The following KAT8 variants were observed in gnomAD, a reference collection of about 807,000 sequenced individuals.
KAT8 encodes lysine acetyltransferase 8, also known as histone acetyltransferase KAT8.
KAT8 carries 40 observed loss-of-function variants against 62.9 expected under a neutral mutation model. That is an observed-to-expected ratio of 0.64 (90% CI 0.49 to 0.83). KAT8 has a LOEUF of 0.83. KAT8 is among the 40% of genes least tolerant of loss of function. The pLI, the probability that KAT8 is intolerant of heterozygous loss-of-function variation, is 0.00. For missense variants in KAT8, 387 were observed against 614.8 expected, an observed-to-expected ratio of 0.63 and a Z score of 3.92; for synonymous variants, 278 against 254.5, an observed-to-expected ratio of 1.09 and a Z score of -0.88.
chr16:31,121,915 C>A (rs1297985150), intron 3 of KAT8, among the ~76,000 whole-genome samples: 1 of 152,056 alleles, frequency 6.6e-6, no homozygotes. Flanking sequence ...CCATGCCCAG[C>A]TAATTTTTTA....
chr16:31,119,935 C>T (rs2057480781), intron 1 of KAT8, among the ~76,000 whole-genome samples: 1 of 152,040 alleles, frequency 6.6e-6, no homozygotes, highest in African/African-American at 2.4e-5. Context: ...CCCATCTCGG[C>T]CTCCAGAAGT....
At chr16:31,129,955 G>A in intron 6 of KAT8, 62 bp from the exon 7 acceptor site, 4 of 1,586,066 alleles carry the variant, frequency 2.5e-6, no homozygotes, top group Non-Finnish European at 3.4e-6. Context: ...CCGGCCGCTG[G>A]AACCAGCTGG....
Position 31,117,693 on chromosome 16 carries a change from G to A in KAT8, c.12G>A (p.Gln4=), listed in dbSNP as rs183282395. 596 of 1,397,796 alleles carry A rather than the reference G, an allele frequency of 4.3e-4. 1 individual carries two copies. The African/African-American group carries it at 8.1e-3, about 19-fold the overall frequency. 86.6% of individuals were successfully genotyped at this position (1,397,796 alleles called of 1,614,324 possible). Residue 4 remains glutamine, a synonymous_variant, in exon 1 of 11, where the codon CAG becomes CAA. Coordinates refer to ENST00000219797, the MANE Select transcript of KAT8 (RefSeq NM_032188.3). The stretch of plus-strand genomic sequence containing the variant: ...CTTCCCTTCCCGCGATGGCGGCACA[G>A]GGAGCTGCTGCGGCGGTTGCGGCGG... The part of the protein sequence containing the change: MAA[Q]GAAAAVAAGT...
At chr16:31,127,479 G>C (rs1165912606) in intron 5 of KAT8, 126 bp downstream of exon 5, 5 of 964,362 alleles carry the variant, frequency 5.2e-6, no homozygotes, top group Non-Finnish European at 7.7e-6. Context: ...GCGAGTACAG[G>C]GAAGAGCTGC....
At chr16:31,122,420 T>C (rs1018561288) in intron 3 of KAT8, 1 of 152,126 alleles carries the variant, frequency 6.6e-6, no homozygotes, top group African/African-American at 2.4e-5. Context: ...TGTGGTGTGA[T>C]TTAAAAAATT....
intron 3 of KAT8, among the ~76,000 whole-genome samples, chr16:31,121,814 C>T (rs986741828): frequency 1.3e-5 from 2 of 151,814 alleles, no homozygotes; most frequent in Non-Finnish European, 2.9e-5. Flanking sequence ...TGCAGTGGCA[C>T]AATCATGGCT....
At chr16:31,118,662 T>C (rs1410526293) in intron 1 of KAT8, 1 of 152,112 alleles carries the variant, frequency 6.6e-6, no homozygotes, top group African/African-American at 2.4e-5. Context: ...TAATTTTCTC[T>C]CTCTGTCTTC....
Position 31,117,664 on chromosome 16 carries a change from G to C in KAT8, c.-18G>C. 2 of 1,382,724 alleles carry C rather than the reference G, an allele frequency of 1.4e-6. No individual in the cohort carries two copies. The highest frequency in any genetic ancestry group is 7.3e-5 in the Admixed American group (2 of 27,354). 85.7% of individuals were successfully genotyped at this position (1,382,724 alleles called of 1,614,324 possible). On this transcript the variant is annotated 5_prime_UTR_variant, in exon 1 of 11. Transcript: ENST00000219797. ...GAACTGCGTGGCGTCCGATTCTGGC[G>C]TCACTTCCCTTCCCGCGATGGCGGC...
chr16:31,118,342 C>T (rs2057466581), intron 1 of KAT8: 1 of 155,352 alleles, frequency 6.4e-6, no homozygotes, highest in Admixed American at 6.5e-5. Flanking sequence ...TAACCCCAAA[C>T]TCCTTAGGGT....
intron 6 of KAT8, 62 bp downstream of exon 6, chr16:31,128,201 C>T: frequency 1.6e-6 from 2 of 1,271,844 alleles, no homozygotes; most frequent in South Asian, 2.5e-5. Context: ...CCAGATGATC[C>T]TCATCACCAC....
chr16:31,129,432 T>A (rs2057555824), intron 6 of KAT8, among the ~76,000 whole-genome samples: 1 of 152,162 alleles, frequency 6.6e-6, no homozygotes, highest in African/African-American at 2.4e-5. Flanking sequence ...CTGAGTAAGA[T>A]GGGCCTGGCA....
chr16:31,119,687 A>G (rs2057478744), intron 1 of KAT8, among the ~76,000 whole-genome samples: 1 of 151,462 alleles, frequency 6.6e-6, no homozygotes, highest in South Asian at 2.1e-4. Flanking sequence ...CACCCAGGCC[A>G]CAGTGCAGTG....
chr16:31,120,228 G>A lies in KAT8; in HGVS notation c.254G>A (p.Gly85Asp). The A allele has an allele frequency of 3.7e-6, 6 of 1,614,164 alleles. No homozygotes were observed. The highest frequency in any genetic ancestry group is 5.1e-6 in the Non-Finnish European group (6 of 1,180,026). ...CAGTCTCGAGTGAACGACCAGGAGG[G>A]CCGAGAGGAATTCTATGTACACTAC... ...VIQSRVNDQE[G>D]REEFYVHYVG... Residue 85 changes from glycine to aspartate, a missense_variant, in exon 2 of 11, where the codon GGC becomes GAC. Physicochemically the swap from Gly to Asp is moderately conservative, Grantham distance 94. Around this residue, in one of 6 missense-constraint regions of KAT8, gnomAD observed 69 missense variants for 127.0 expected, o/e 0.54. Coordinates refer to ENST00000219797, the MANE Select transcript of KAT8 (RefSeq NM_032188.3).
chr16:31,122,609 G>T (rs2143972445), intron 3 of KAT8: 1 of 152,342 alleles, frequency 6.6e-6, no homozygotes, highest in South Asian at 2.1e-4. Context: ...GCTGGGCGCG[G>T]TGGCTTACGC....
intron 6 of KAT8, among the ~76,000 whole-genome samples, chr16:31,128,558 A>G (rs2057549946): frequency 6.6e-6 from 1 of 151,740 alleles, no homozygotes; most frequent in South Asian, 2.1e-4. Context: ...AAAAAAAAAG[A>G]AGGCCTCTGA....
intron 6 of KAT8, among the ~76,000 whole-genome samples, chr16:31,129,303 A>G (rs1358851170): frequency 2.6e-5 from 4 of 152,196 alleles, no homozygotes; most frequent in African/African-American, 7.2e-5. Context: ...CTTCCTGAGC[A>G]TGGCTGTGTG....
intron 1 of KAT8, among the ~76,000 whole-genome samples, chr16:31,119,435 A>G (rs892349655): frequency 6.6e-6 from 1 of 152,218 alleles, no homozygotes; most frequent in Non-Finnish European, 1.5e-5. Context: ...GGCGTGAGCC[A>G]CGATGCCCAG....
intron 6 of KAT8, among the ~76,000 whole-genome samples, chr16:31,129,606 G>A (rs2057557885): frequency 6.6e-6 from 1 of 152,180 alleles, no homozygotes; most frequent in African/African-American, 2.4e-5. Context: ...CCATTCAGCA[G>A]ACGTTTACCA....
Position 31,130,495 on chromosome 16 carries a change from C to G in KAT8, c.1046C>G (p.Pro349Arg). 2 of 1,614,074 alleles carry G rather than the reference C, an allele frequency of 1.2e-6. No individual in the cohort carries two copies. The highest frequency in any genetic ancestry group is 1.7e-6 in the Non-Finnish European group (2 of 1,179,946). The change falls in exon 9 of 11, where the codon CCG becomes CGG. Residue 349 changes from proline (P) to arginine (R), a missense_variant. Around this residue, in one of 6 missense-constraint regions of KAT8, gnomAD observed 141 missense variants for 222.5 expected, o/e 0.63. Coordinates refer to ENST00000219797, the MANE Select transcript of KAT8 (RefSeq NM_032188.3). ...LSKLESTVGS[P>R]EKPLSDLGKL... ...AAGCTGGAGAGCACAGTCGGCTCCC[C>G]GGAGAAGCCACTGTCTGACCTGGGC... is the stretch of plus-strand genomic sequence containing the variant.
Sources: allele counts gnomAD v4.1 joint callset (sites outside exome capture counted in the v4.1 genomes callset), GRCh38; gene constraint gnomAD v4.1.1; regional missense constraint gnomAD v4.1.1; transcripts MANE v1.5; gene names NCBI Gene and HGNC (gene_info 2026-07-23, HGNC 2026-07-21).